KDM3A: variants seen among roughly 807,000 people sequenced by gnomAD.
KDM3A encodes lysine-specific demethylase 3A.
KDM3A carries 60 observed loss-of-function variants against 158.0 expected under a neutral mutation model. That is an observed-to-expected ratio of 0.38 (90% CI 0.31 to 0.47). The LOEUF is 0.47. Ranked by LOEUF, KDM3A falls within the 20% of genes least tolerant of loss-of-function variation. The pLI is 0.99. For synonymous variants in KDM3A, 608 were observed against 549.3 expected (o/e 1.11, Z -1.49); for missense variants, 1,319 against 1,574.3 (o/e 0.84, Z 2.74).
chr2:86,450,257 A>G (rs1286719261), intron 3 of KDM3A, among the ~76,000 whole-genome samples: 3 of 152,216 alleles, frequency 2.0e-5, no homozygotes, highest in Non-Finnish European at 2.9e-5. Context: ...GTACTTTCAA[A>G]ACATTTGAAT....
intron 10 of KDM3A, among the ~76,000 whole-genome samples, chr2:86,467,771 A>G (rs927158290): frequency 6.6e-6 from 1 of 152,180 alleles, no homozygotes; most frequent in Non-Finnish European, 1.5e-5. Flanking sequence ...CTGTAATCCT[A>G]ATACTTTGGG....
At position 86,480,241 on chromosome 2, in the gene KDM3A, T is replaced by C; in HGVS notation, c.2391T>C (p.Ala797=). The change falls in exon 16 of 26, where the codon GCT becomes GCC. Residue 797 remains alanine (A), a synonymous_variant. Transcript: ENST00000312912. ...QQNPSVLEPA[A]VGGEAASKPA... Reference sequence around the variant, plus strand: ...ATCCCTCAGTGTTGGAGCCAGCAGCTGTGGGTGGGGAAGCAGCCTCCAAGC... The same window carrying C: ...ATCCCTCAGTGTTGGAGCCAGCAGCCGTGGGTGGGGAAGCAGCCTCCAAGC... 1.9e-6 allele frequency: 3 copies of C among 1,613,782 alleles called. No homozygotes were observed. The highest frequency in any genetic ancestry group is 2.5e-6 in the Non-Finnish European group (3 of 1,180,010).
chr2:86,443,904 G>C lies in KDM3A; in HGVS notation c.186+1671G>C, dbSNP rs528920042. Among the ~76,000 whole-genome samples the C allele has an allele frequency of 5.3e-5, 8 of 152,170 alleles. 1 individual carries two copies. The South Asian group carries it at 1.7e-3, about 32-fold the overall frequency. The stretch of plus-strand genomic sequence containing the variant: ...ACTAGATTTCAGTCGTGCTTGTTGT[G>C]GTTTATTTCGCCTGCCAAATAAAAT... On this transcript the variant is annotated intron_variant, in intron 2 of 25. Transcript: ENST00000312912.
In KDM3A at chr2:86,480,240, C is replaced by T. The variant is rs200297487; in HGVS notation, c.2390C>T (p.Ala797Val). Residue 797 changes from alanine (A) to valine (V), a missense_variant, in exon 16 of 26, where the codon GCT becomes GTT. Physicochemically the swap from Ala to Val is moderately conservative, Grantham distance 64. This residue lies in a region of KDM3A where 368 missense variants were observed against 415.8 expected (regional missense o/e 0.89). Coordinates refer to ENST00000312912, the MANE Select transcript of KDM3A (RefSeq NM_018433.6). ...AATCCCTCAGTGTTGGAGCCAGCAG[C>T]TGTGGGTGGGGAAGCAGCCTCCAAG... ...QQNPSVLEPA[A>V]VGGEAASKPA... is the part of the protein sequence containing the mutation. 6.2e-7 allele frequency: 1 copy of T among 1,613,790 alleles called. No individual in the cohort carries two copies. The highest frequency in any genetic ancestry group is 2.2e-5 in the East Asian group (1 of 44,872).
chr2:86,486,568 C>G (rs1026843418), intron 21 of KDM3A, among the ~76,000 whole-genome samples: 1 of 152,186 alleles, frequency 6.6e-6, no homozygotes, highest in African/African-American at 2.4e-5. Flanking sequence ...CTCATTTTTA[C>G]TATTTGGCCC....
In KDM3A at chr2:86,466,508, A is replaced by C; in HGVS notation, c.1144A>C (p.Ile382Leu). 6.2e-7 allele frequency: 1 copy of C among 1,613,964 alleles called. No individual in the cohort carries two copies. The highest frequency in any genetic ancestry group is 8.5e-7 in the Non-Finnish European group (1 of 1,179,872). ...TCAGATTGGAACTGGAGACTTGAAAATTCTGACTGAGCCAAAAGGCAGCTG... is the reference window on the plus strand; with the variant it reads ...TCAGATTGGAACTGGAGACTTGAAACTTCTGACTGAGCCAAAAGGCAGCTG... ...SSQIGTGDLK[I>L]LTEPKGSCTQ... The change falls in exon 10 of 26, where the codon ATT becomes CTT. Residue 382 changes from isoleucine (I) to leucine (L), a missense_variant. Transcript: ENST00000312912.
upstream of KDM3A, among the ~76,000 whole-genome samples, chr2:86,439,309 CTAAT>C (rs572480260): frequency 3.4e-4 from 52 of 152,080 alleles, no homozygotes; most frequent in East Asian, 1.3e-3. Context: ...TCATATAACA[CTAAT>C]TAATCATATC....
chr2:86,461,036 A>G (rs1354494004), intron 8 of KDM3A, among the ~76,000 whole-genome samples: 2 of 151,822 alleles, frequency 1.3e-5, no homozygotes, highest in African/African-American at 2.4e-5. Context: ...AAATTTTCGC[A>G]ATGTTTTTCT....
chr2:86,469,011 A>G (rs1673280684), intron 10 of KDM3A, among the ~76,000 whole-genome samples: 1 of 152,158 alleles, frequency 6.6e-6, no homozygotes, highest in African/African-American at 2.4e-5. Context: ...ATGTCTTTCA[A>G]TATCTGAGTA....
intron 8 of KDM3A, 113 bp downstream of exon 8, chr2:86,457,184 C>A: frequency 2.8e-6 from 1 of 353,116 alleles, no homozygotes. Flanking sequence ...GAGATAGGAT[C>A]TCACTCTGTC....
intron 4 of KDM3A, among the ~76,000 whole-genome samples, chr2:86,452,659 C>A (rs1472669687): frequency 6.6e-6 from 1 of 152,052 alleles, no homozygotes; most frequent in East Asian, 1.9e-4. Flanking sequence ...TGACTTCATA[C>A]CTGACTTGTT....
chr2:86,452,715 G>A (rs1558607174), intron 4 of KDM3A, among the ~76,000 whole-genome samples: 1 of 152,284 alleles, frequency 6.6e-6, no homozygotes, highest in East Asian at 1.9e-4. Context: ...AAAGTAGTTT[G>A]GGGTCAGTGG....
chr2:86,479,514 A>G (rs1673821270), intron 15 of KDM3A: 1 of 152,190 alleles, frequency 6.6e-6, no homozygotes, highest in Admixed American at 6.5e-5. Flanking sequence ...AAGAAGCAAT[A>G]TTGATGATTG....
chr2:86,482,714 C>T lies in KDM3A; in HGVS notation c.2922+20C>T. 6.2e-7 allele frequency: 1 copy of T among 1,611,150 alleles called. No individual in the cohort carries two copies. On this transcript the variant is annotated intron_variant, in intron 18 of 25. Transcript: ENST00000312912. ...GGGCAGGTAATGTAGGCCTCCCATC[C>T]TCCTGCCCTATTCAGAACCCCCTTC...
intron 18 of KDM3A, chr2:86,483,516 G>A (rs1053474230): frequency 6.5e-6 from 1 of 152,800 alleles, no homozygotes; most frequent in African/African-American, 2.4e-5. Flanking sequence ...TCACATAAAG[G>A]TTAGAGCTTC....
chr2:86,472,122 AT>A lies in KDM3A; in HGVS notation c.1724+1723del, dbSNP rs1454942449. On this transcript the variant is annotated intron_variant, in intron 11 of 25. Transcript: ENST00000312912. Reference sequence around the variant, plus strand: ...GCAAAGGCATTTTAGGGAAGGGATAATTTTTTTTTCTTTCTTTTGTTCTTTG... The same window carrying A: ...GCAAAGGCATTTTAGGGAAGGGATAATTTTTTTTCTTTCTTTTGTTCTTTG... Among the ~76,000 whole-genome samples, 18 of 149,092 alleles carry A rather than the reference AT, an allele frequency of 1.2e-4. No homozygotes were observed. The South Asian group carries it at 3.2e-3, about 26-fold the overall frequency.
At position 86,492,270 on chromosome 2, in the gene KDM3A, T is replaced by G. The variant is rs1674496046; in HGVS notation, c.*151T>G. ...TCTGTCTAATGTATATTTCTAGTGT[T>G]TACAGACAGTAAATGTGTATATGTA... On this transcript the variant is annotated 3_prime_UTR_variant, in exon 26 of 26. Coordinates refer to ENST00000312912, the MANE Select transcript of KDM3A (RefSeq NM_018433.6). 1.6e-6 allele frequency: 1 copy of G among 610,608 alleles called. No homozygotes were observed. 37.8% of individuals were successfully genotyped at this position (610,608 alleles called of 1,614,324 possible).
At chr2:86,465,894 A>G (rs966978989) in intron 9 of KDM3A, among the ~76,000 whole-genome samples, 8 of 150,636 alleles carry the variant, frequency 5.3e-5, no homozygotes, top group African/African-American at 1.2e-4. Context: ...AATCTTTACT[A>G]TAGAAGAAAG....
intron 2 of KDM3A, among the ~76,000 whole-genome samples, chr2:86,446,152 T>C (rs1455963972): frequency 1.3e-5 from 2 of 152,148 alleles, no homozygotes; most frequent in African/African-American, 2.4e-5. Flanking sequence ...ATCTGAAATA[T>C]CGAGCATTTG....
Sources: gnomAD v4.1 joint callset for allele counts (sites outside exome capture counted in the v4.1 genomes callset) on GRCh38, gnomAD v4.1.1 for gene constraint, gnomAD v4.1.1 regional missense constraint, MANE v1.5 for transcripts, NCBI Gene and HGNC (gene_info 2026-07-23, HGNC 2026-07-21) for gene names.